PDPR: variants seen among roughly 807,000 people sequenced by gnomAD.
PDPR encodes pyruvate dehydrogenase phosphatase regulatory subunit, mitochondrial.
Under a neutral mutation model 102.2 loss-of-function variants are expected in PDPR, and 50 were observed. That is an observed-to-expected ratio of 0.49 (90% CI 0.39 to 0.62). The LOEUF (loss-of-function observed/expected upper bound fraction) is 0.62, where lower values mean the gene tolerates loss of function less well. Ranked by LOEUF, PDPR falls within the 20% of genes least tolerant of loss-of-function variation. PDPR has a pLI of 0.00. For synonymous variants in PDPR, 259 were observed against 406.0 expected (o/e 0.64, Z 4.35); for missense variants, 625 against 1,098.2 (o/e 0.57, Z 6.09).
At chr16:70,149,246 G>GT (rs372335620) in intron 17 of PDPR, among the ~76,000 whole-genome samples, 7,052 of 144,954 alleles carry the variant, frequency 0.049, 38 homozygotes, top group Non-Finnish European at 0.057. Context: ...TCTTCATCCT[G>GT]TTTTTTTTTT....
rs560023690 is a variant in PDPR at position 70,159,032 on chromosome 16, A to G, written c.*2153A>G. 1 of 152,512 alleles carries G rather than the reference A, an allele frequency of 6.6e-6. No homozygotes were observed. Among genetic ancestry groups the G allele is most frequent in the African/African-American group, 2.4e-5 (1 of 41,608 alleles). The allele number at this position is 152,512 out of a possible 1,614,324, so 9.4% of individuals were successfully genotyped here. On this transcript the variant is annotated 3_prime_UTR_variant, in exon 19 of 19. Transcript: ENST00000288050. ...TCACCACTTACCAGGATCCAAATCG[A>G]AATAATAAAAGCTGTCTCCATAGTT...
At chr16:70,116,835 C>T (rs1417072245) in intron 2 of PDPR, among the ~76,000 whole-genome samples, 1 of 152,050 alleles carries the variant, frequency 6.6e-6, no homozygotes, top group Non-Finnish European at 1.5e-5. Flanking sequence ...AGACATGGCG[C>T]CCGGCCTAAA....
intron 9 of PDPR, among the ~76,000 whole-genome samples, chr16:70,132,829 G>A (rs1964681548): frequency 6.6e-6 from 1 of 152,236 alleles, no homozygotes; most frequent in South Asian, 2.1e-4. Flanking sequence ...TTGTGTGTGT[G>A]TGAGATGGCG....
chr16:70,126,042 G>T (rs139724275), intron 3 of PDPR, among the ~76,000 whole-genome samples: 1 of 152,270 alleles, frequency 6.6e-6, no homozygotes. Context: ...GTGTATATGT[G>T]TATGGATATT....
At chr16:70,140,635 G>A (rs570857780) in intron 11 of PDPR, among the ~76,000 whole-genome samples, 4 of 152,292 alleles carry the variant, frequency 2.6e-5, no homozygotes, top group Non-Finnish European at 4.4e-5. Flanking sequence ...CCAACATGGC[G>A]AAACCCTGTC....
Position 70,148,035 on chromosome 16 carries a change from G to A in PDPR, c.1963-429G>A, listed in dbSNP as rs376676361. Among the ~76,000 whole-genome samples the A allele has an allele frequency of 1.3e-3, 201 of 152,362 alleles. 1 individual carries two copies. The South Asian group carries it at 0.034, about 26-fold the overall frequency. On this transcript the variant is annotated intron_variant, in intron 16 of 18. Transcript: ENST00000288050. The stretch of plus-strand genomic sequence containing the variant: ...GCCCATCTTTGACCCCAGGATAGCA[G>A]ATTAATTATGTCTGTGGGCATCGGG...
intron 3 of PDPR, among the ~76,000 whole-genome samples, chr16:70,125,675 C>T (rs1256479947): frequency 2.0e-5 from 3 of 152,038 alleles, no homozygotes; most frequent in Admixed American, 2.0e-4. Context: ...TGCTCTGTCA[C>T]CCAGGCTGTA....
Position 70,125,046 on chromosome 16 carries a change from T to TAA in PDPR, c.228-2214_228-2213insAA, listed in dbSNP as rs1331782264. On this transcript the variant is annotated intron_variant, in intron 3 of 18. Transcript: ENST00000288050. ...TTTCAATGTAAAGTTTATGTACTTT[T>TAA]GAATAGGCAATGTATTTATATGATT... Among the ~76,000 whole-genome samples the TAA allele has an allele frequency of 3.3e-3, 509 of 152,070 alleles. 2 individuals carry two copies. Among genetic ancestry groups the TAA allele is most frequent in the African/African-American group, 0.011 (472 of 41,352 alleles).
At chr16:70,133,846 G>GC (rs1204365762) in intron 9 of PDPR, among the ~76,000 whole-genome samples, 1 of 152,172 alleles carries the variant, frequency 6.6e-6, no homozygotes, top group African/African-American at 2.4e-5. Context: ...TGATTCTCCT[G>GC]CCTCAGCCTC....
intron 3 of PDPR, among the ~76,000 whole-genome samples, chr16:70,125,213 C>G: frequency 6.6e-6 from 1 of 152,330 alleles, no homozygotes; most frequent in Non-Finnish European, 1.5e-5. Context: ...CCCATCTCTA[C>G]TAAAAATACA....
chr16:70,130,631 T>A, intron 7 of PDPR, 87 bp downstream of exon 7: 1 of 1,533,636 alleles, frequency 6.5e-7, no homozygotes, highest in Non-Finnish European at 9.0e-7. Flanking sequence ...GTATTGTGAT[T>A]GGTTATACAG....
In PDPR at chr16:70,136,023, C is replaced by T. The variant is rs142367036; in HGVS notation, c.998-171C>T. Among the ~76,000 whole-genome samples, 128 of 148,984 alleles carry T rather than the reference C, an allele frequency of 8.6e-4. 1 individual carries two copies. In the South Asian group the frequency reaches 0.026, roughly 30 times the overall value. ...GGCAGAGGTTGCAGTGAGCCGAGAT[C>T]GTGCCACCACACTCCAGCCGGGGCG... On this transcript the variant is annotated intron_variant, in intron 9 of 18. Coordinates refer to ENST00000288050, the MANE Select transcript of PDPR (RefSeq NM_017990.5).
At position 70,136,178 on chromosome 16, in the gene PDPR, T is replaced by C. The variant is rs1207965494; in HGVS notation, c.998-16T>C. ...TAAAGGTGAGAACTCTATTTGGTTT[T>C]GTTGTCATTGCTCAGAGCCTCTGTT... On this transcript the variant is annotated splice_polypyrimidine_tract_variant and intron_variant, in intron 9 of 18. Transcript: ENST00000288050. 1.5e-5 allele frequency: 23 copies of C among 1,504,376 alleles called. No homozygotes were observed. The Admixed American group carries it at 4.1e-4, about 27-fold the overall frequency. 93.2% of individuals were successfully genotyped at this position (1,504,376 alleles called of 1,614,324 possible).
At chr16:70,148,603 T>C in intron 17 of PDPR, 50 bp downstream of exon 17, 1 of 1,475,752 alleles carries the variant, frequency 6.8e-7, no homozygotes, top group Non-Finnish European at 9.3e-7. Flanking sequence ...TTCCCTTCCC[T>C]TCCCTTCCCT....
chr16:70,122,797 G>A (rs1241142456), intron 3 of PDPR, among the ~76,000 whole-genome samples: 1 of 152,002 alleles, frequency 6.6e-6, no homozygotes, highest in African/African-American at 2.4e-5. Context: ...ATTACTGTCA[G>A]GAAGAGATTT....
intron 11 of PDPR, among the ~76,000 whole-genome samples, chr16:70,140,276 G>C (rs1251502715): frequency 1.3e-5 from 2 of 152,264 alleles, no homozygotes; most frequent in African/African-American, 4.8e-5. Context: ...GGGAAGTTGA[G>C]GCTGCAGTGA....
At chr16:70,131,988 A>G (rs763112274) in intron 8 of PDPR, 163 bp from the exon 9 acceptor site, 4 of 1,540,986 alleles carry the variant, frequency 2.6e-6, no homozygotes, top group South Asian at 1.2e-5. Flanking sequence ...CTCAAAAGGT[A>G]TTTTAAAGCT....
At chr16:70,125,614 A>C (rs1346053409) in intron 3 of PDPR, among the ~76,000 whole-genome samples, 1 of 150,494 alleles carries the variant, frequency 6.6e-6, no homozygotes, top group Non-Finnish European at 1.5e-5. Flanking sequence ...CAGGAAAAAG[A>C]CTCCCCAATG....
chr16:70,146,297 A>G (rs954445814), intron 16 of PDPR, 69 bp downstream of exon 16: 21 of 1,608,820 alleles, frequency 1.3e-5, no homozygotes, highest in Non-Finnish European at 1.7e-5. Flanking sequence ...TGGCAGGTAC[A>G]TATTCTTACT....
Sources: gnomAD v4.1 joint callset for allele counts (sites outside exome capture counted in the v4.1 genomes callset) on GRCh38, gnomAD v4.1.1 for gene constraint, MANE v1.5 for transcripts, NCBI Gene and HGNC (gene_info 2026-07-23, HGNC 2026-07-21) for gene names.